Variants in KIAA0825 observed in about 807,000 individuals in gnomAD.
KIAA0825 encodes KIAA0825.
Under a neutral mutation model 147.6 loss-of-function variants are expected in KIAA0825, and 119 were observed. The ratio of observed to expected loss-of-function variants is 0.81; its 90% CI spans 0.69 to 0.94. The LOEUF is 0.94. Ranked by LOEUF, KIAA0825 falls within the 40% of genes least tolerant of loss-of-function variation. KIAA0825 has a pLI of 0.00. For missense variants in KIAA0825, 1,381 were observed against 1,472.7 expected (o/e 0.94, Z 1.02); for synonymous variants, 470 against 518.1 (o/e 0.91, Z 1.26).
chr5:94,225,469 C>G (rs372853833), intron 20 of KIAA0825, among the ~76,000 whole-genome samples: 5 of 152,146 alleles, frequency 3.3e-5, no homozygotes, highest in African/African-American at 1.2e-4. Context: ...GAAGTCCTAA[C>G]GCCAACGTAA....
chr5:94,241,516 A>T (rs779667234), intron 20 of KIAA0825, among the ~76,000 whole-genome samples: 12 of 152,228 alleles, frequency 7.9e-5, no homozygotes, highest in Non-Finnish European at 1.6e-4. Flanking sequence ...CGGGGTGGTG[A>T]GTAATTTAAG....
chr5:94,537,191 G>A, intron 2 of KIAA0825, 64 bp from the exon 3 acceptor site: 3 of 1,329,322 alleles, frequency 2.3e-6, no homozygotes, highest in Admixed American at 2.5e-5. Flanking sequence ...GATAGGGGTG[G>A]GCAGAAATTC....
At chr5:94,510,609 T>G (rs1370052054) in intron 5 of KIAA0825, among the ~76,000 whole-genome samples, 1 of 152,216 alleles carries the variant, frequency 6.6e-6, no homozygotes, top group Non-Finnish European at 1.5e-5. Flanking sequence ...CCATCAATGT[T>G]ATGAGTGTTT....
chr5:94,340,104 T>C (rs1244191396), intron 20 of KIAA0825, among the ~76,000 whole-genome samples: 1 of 152,174 alleles, frequency 6.6e-6, no homozygotes, highest in African/African-American at 2.4e-5. Context: ...GTTTTTAACC[T>C]ATACAGTTGT....
intron 16 of KIAA0825, among the ~76,000 whole-genome samples, chr5:94,402,008 T>C (rs17083639): frequency 0.049 from 7,524 of 152,288 alleles, 217 homozygotes; most frequent in East Asian, 0.11. Context: ...CATTCGCCTA[T>C]TGTCATATCC....
At chr5:94,273,137 T>C (rs1470887035) in intron 20 of KIAA0825, among the ~76,000 whole-genome samples, 1 of 152,214 alleles carries the variant, frequency 6.6e-6, no homozygotes, top group Non-Finnish European at 1.5e-5. Flanking sequence ...TTCTCTTTGC[T>C]CAGTTTCTGC....
chr5:94,599,331 GTTTTTT>G (rs57220290), intron 1 of KIAA0825, among the ~76,000 whole-genome samples: 1 of 98,512 alleles, frequency 1.0e-5, no homozygotes, highest in African/African-American at 4.2e-5. Flanking sequence ...GATTATTTGG[GTTTTTT>G]TTTTTTTTTT....
At chr5:94,566,306 C>T (rs1778698806) in intron 2 of KIAA0825, among the ~76,000 whole-genome samples, 1 of 152,018 alleles carries the variant, frequency 6.6e-6, no homozygotes, top group Non-Finnish European at 1.5e-5. Context: ...CATAAAATGT[C>T]CATATAAATT....
chr5:94,289,810 CAGGAAGATCACTTG>C (rs576517223), intron 20 of KIAA0825, among the ~76,000 whole-genome samples: 82 of 151,830 alleles, frequency 5.4e-4, no homozygotes, highest in Middle Eastern at 3.4e-3. Context: ...GAGGCTGAGG[CAGGAAGATCACTTG>C]AGCCCAGGAG....
intron 20 of KIAA0825, among the ~76,000 whole-genome samples, chr5:94,367,550 A>T (rs192994048): frequency 6.6e-6 from 1 of 152,140 alleles, no homozygotes; most frequent in Non-Finnish European, 1.5e-5. Flanking sequence ...AGAAAGTGAT[A>T]AAGTGATAGA....
chr5:94,541,719 A>G (rs1402429099), intron 2 of KIAA0825, among the ~76,000 whole-genome samples: 5 of 152,260 alleles, frequency 3.3e-5, no homozygotes, highest in Admixed American at 2.6e-4. Context: ...CCTTATGGTC[A>G]AACTGATTAA....
At chr5:94,285,200 A>C (rs911773782) in intron 20 of KIAA0825, among the ~76,000 whole-genome samples, 3 of 152,172 alleles carry the variant, frequency 2.0e-5, no homozygotes, top group African/African-American at 7.2e-5. Flanking sequence ...TAATTCTAGA[A>C]TGTAAAGGTA....
intron 20 of KIAA0825, among the ~76,000 whole-genome samples, chr5:94,214,860 A>T (rs999425602): frequency 2.6e-5 from 4 of 152,222 alleles, no homozygotes; most frequent in African/African-American, 9.6e-5. Flanking sequence ...TTTTGAGGAA[A>T]AAACAACCAA....
chr5:94,209,295 TACAC>T (rs957507847), intron 20 of KIAA0825, among the ~76,000 whole-genome samples: 6 of 152,114 alleles, frequency 3.9e-5, no homozygotes, highest in African/African-American at 1.4e-4. Flanking sequence ...ACATAACACA[TACAC>T]ACACCCCTGA....
chr5:94,364,548 AT>A (rs1364353184), intron 20 of KIAA0825, among the ~76,000 whole-genome samples: 1 of 151,566 alleles, frequency 6.6e-6, no homozygotes, highest in Non-Finnish European at 1.5e-5. Context: ...CGCCCGGCTA[AT>A]TTTTTTGTAT....
intron 20 of KIAA0825, among the ~76,000 whole-genome samples, chr5:94,172,666 T>G (rs1051594719): frequency 6.6e-6 from 1 of 152,140 alleles, no homozygotes; most frequent in Non-Finnish European, 1.5e-5. Flanking sequence ...AATGATTGTT[T>G]CTAGAATTTT....
At chr5:94,286,132 T>C (rs1777656820) in intron 20 of KIAA0825, among the ~76,000 whole-genome samples, 1 of 152,122 alleles carries the variant, frequency 6.6e-6, no homozygotes, top group Admixed American at 6.6e-5. Flanking sequence ...TCAAGTATAG[T>C]GTCAACATGG....
rs1321088459 is a variant in KIAA0825 at position 94,417,269 on chromosome 5, G to A, written c.2594C>T (p.Thr865Ile). ...GTAGCTCACAAAAACGTTTGCAAATGTTTGTGGAGAAAAACTGCAATGGTA... is the reference window on the plus strand; with the variant it reads ...GTAGCTCACAAAAACGTTTGCAAATATTTGTGGAGAAAAACTGCAATGGTA... ...ILYHCSFSPQTFANVFVSYME... is the reference protein window; with the variant it reads ...ILYHCSFSPQIFANVFVSYME... The change falls in exon 15 of 21, where the codon ACA (threonine) becomes ATA (isoleucine). Residue 865 changes from threonine to isoleucine, a missense_variant. Coordinates refer to ENST00000682413, the MANE Select transcript of KIAA0825 (RefSeq NM_001145678.3). 1.9e-6 allele frequency: 3 copies of A among 1,551,034 alleles called. No homozygotes were observed. In the Admixed American group the frequency reaches 5.9e-5, roughly 30 times the overall value.
At chr5:94,267,591 A>G (rs1052814252) in intron 20 of KIAA0825, among the ~76,000 whole-genome samples, 1 of 152,192 alleles carries the variant, frequency 6.6e-6, no homozygotes, top group Non-Finnish European at 1.5e-5. Context: ...TCATATTACT[A>G]GACCTCAACT....
Sources: allele counts gnomAD v4.1 joint callset (sites outside exome capture counted in the v4.1 genomes callset), GRCh38; gene constraint gnomAD v4.1.1; transcripts MANE v1.5; gene names NCBI Gene and HGNC (gene_info 2026-07-23, HGNC 2026-07-21).